The following CD53 variants were observed in gnomAD, a reference collection of about 807,000 sequenced individuals.
CD53 encodes leukocyte surface antigen CD53.
Under a neutral mutation model 27.3 loss-of-function variants are expected in CD53, and 20 were observed. That is an observed-to-expected ratio of 0.73 (90% CI 0.52 to 1.07). The LOEUF (loss-of-function observed/expected upper bound fraction) is 1.07. Ranked by LOEUF, CD53 falls within the 50% of genes least tolerant of loss-of-function variation. The pLI is 0.00. For synonymous variants in CD53, 106 were observed against 105.3 expected (o/e 1.01, Z -0.04); for missense variants, 216 against 264.0 (o/e 0.82, Z 1.26).
rs141935496 is a variant in CD53, at chr1:110,886,846, A to AAGATATATATATAT, written c.-17-4545_-17-4544insGATATATATATATA. 7.9e-3 allele frequency among the ~76,000 whole-genome samples: 795 copies of AAGATATATATATAT among 100,858 alleles called. 11 individuals are homozygous for AAGATATATATATAT. Among genetic ancestry groups the AAGATATATATATAT allele is most frequent in the Non-Finnish European group, 0.012 (582 of 46,594 alleles). 66.2% of individuals were successfully genotyped at this position (100,858 alleles called of 152,430 possible). A position where few individuals can be genotyped will look rare whatever the true frequency, so the allele number is the denominator to read the frequency against. On this transcript the variant is annotated intron_variant, in intron 1 of 7. Coordinates refer to ENST00000271324, the MANE Select transcript of CD53 (RefSeq NM_000560.4). Reference sequence around the variant, plus strand: ...GGCAACAGAGCGAGACTCTGTCTCCAATATATATATATATATATATATATT... The same window carrying AAGATATATATATAT: ...GGCAACAGAGCGAGACTCTGTCTCCAAGATATATATATATATATATATATATATATATATATATT...
rs1475031169 is a variant in CD53, at chr1:110,899,914, T to C, written c.*719T>C. The C allele has an allele frequency of 6.5e-6, 1 of 152,684 alleles. No homozygotes were observed. Among genetic ancestry groups the C allele is most frequent in the Non-Finnish European group, 1.5e-5 (1 of 68,056 alleles). 9.5% of individuals were successfully genotyped at this position (152,684 alleles called of 1,614,324 possible). On this transcript the variant is annotated 3_prime_UTR_variant, in exon 8 of 8. Coordinates refer to ENST00000271324, the MANE Select transcript of CD53 (RefSeq NM_000560.4). ...TTACTCTTCAATAAATAAAAGTTTA[T>C]TATCTCAATCACAACATTGCTATAT... is the stretch of plus-strand genomic sequence containing the variant.
chr1:110,892,414 C>T lies in CD53; in HGVS notation c.133C>T (p.His45Tyr). The T allele has an allele frequency of 6.2e-7, 1 of 1,613,878 alleles. No individual in the cohort carries two copies. Among genetic ancestry groups the T allele is most frequent in the Non-Finnish European group, 8.5e-7 (1 of 1,179,748 alleles). The change falls in exon 3 of 8, where the codon CAT becomes TAT. Residue 45 changes from histidine (H) to tyrosine (Y), a missense_variant. Coordinates refer to ENST00000271324, the MANE Select transcript of CD53 (RefSeq NM_000560.4). ...LIHNNFGVLF[H>Y]NLPSLTLGNV... ...CCACAACAACTTCGGAGTGCTCTTC[C>T]ATAACCTCCCCTCCCTCACGCTGGG...
intron 1 of CD53, among the ~76,000 whole-genome samples, chr1:110,875,821 G>A (rs546685737): frequency 8.5e-5 from 13 of 152,318 alleles, no homozygotes; most frequent in Admixed American, 6.5e-4. Flanking sequence ...GCTGTCTGGA[G>A]GTAGGTTTTG....
intron 4 of CD53, 70 bp downstream of exon 4, chr1:110,894,471 A>G: frequency 8.8e-7 from 1 of 1,141,702 alleles, no homozygotes; most frequent in Non-Finnish European, 1.3e-6. Flanking sequence ...AGAAGTTGGT[A>G]CAAAGTTACA....
At position 110,886,871 on chromosome 1, in the gene CD53, T is replaced by TATA. The variant is rs1243346959; in HGVS notation, c.-17-4521_-17-4520insATA. ...AATATATATATATATATATATATAT[T>TATA]TTTTTTTTCTGTCTGTGTTTCTTTG... On this transcript the variant is annotated intron_variant, in intron 1 of 7. Transcript: ENST00000271324. Among the ~76,000 whole-genome samples, 536 of 76,038 alleles carry TATA rather than the reference T, an allele frequency of 7.0e-3. 2 individuals carry two copies. The highest frequency in any genetic ancestry group is 0.018 in the Middle Eastern group (2 of 112). 49.9% of individuals were successfully genotyped at this position (76,038 alleles called of 152,430 possible). A position where few individuals can be genotyped will look rare whatever the true frequency, so the allele number is the denominator to read the frequency against.
rs529327509 is a variant in CD53 at position 110,892,455 on chromosome 1, C to T, written c.174C>T (p.Ile58=). ...TCACGCTGGGCAATGTGTTTGTCATCGTGGGCTCTATTATCATGGTAGTTG... is the reference window on the plus strand; with the variant it reads ...TCACGCTGGGCAATGTGTTTGTCATTGTGGGCTCTATTATCATGGTAGTTG... ...PSLTLGNVFV[I]VGSIIMVVAF... The change falls in exon 3 of 8, where the codon ATC becomes ATT. Residue 58 remains isoleucine (I), a synonymous_variant. Transcript: ENST00000271324. 20 of 1,614,052 alleles carry T rather than the reference C, an allele frequency of 1.2e-5. No individual in the cohort carries two copies. The highest frequency in any genetic ancestry group is 5.0e-5 in the Admixed American group (3 of 59,994).
At chr1:110,894,787 C>CTCAT (rs984669754) in intron 4 of CD53, among the ~76,000 whole-genome samples, 173 bp from the exon 5 acceptor site, 44 of 152,310 alleles carry the variant, frequency 2.9e-4, no homozygotes, top group African/African-American at 9.1e-4. Flanking sequence ...TCAATGCCAC[C>CTCAT]TCATGCTCAG....
At chr1:110,891,242 T>C in intron 1 of CD53, 150 bp from the exon 2 acceptor site, 2 of 631,206 alleles carry the variant, frequency 3.2e-6, no homozygotes, top group Non-Finnish European at 2.8e-6. Flanking sequence ...AGTTTAGAAC[T>C]AGGAAAGCGC....
chr1:110,871,605 A>T (rs115420201), upstream of CD53, among the ~76,000 whole-genome samples: 1,877 of 152,214 alleles, frequency 0.012, 48 homozygotes, highest in African/African-American at 0.043. Flanking sequence ...TGGAACAGAC[A>T]GATAGTAATT....
Position 110,888,554 on chromosome 1 carries a change from G to A in CD53, c.-17-2838G>A, listed in dbSNP as rs868021537. The stretch of plus-strand genomic sequence containing the variant: ...AGTCTACATTTTTTAGCTGTTTCAG[G>A]TGAGGGGGTAAATCTGGTCCCTGTT... On this transcript the variant is annotated intron_variant, in intron 1 of 7. Coordinates refer to ENST00000271324, the MANE Select transcript of CD53 (RefSeq NM_000560.4). Among the ~76,000 whole-genome samples, 8 of 152,330 alleles carry A rather than the reference G, an allele frequency of 5.3e-5. 1 individual carries two copies. In the South Asian group the frequency reaches 1.7e-3, roughly 32 times the overall value.
At chr1:110,874,735 C>T (rs1056177546) in intron 1 of CD53, among the ~76,000 whole-genome samples, 14 of 152,200 alleles carry the variant, frequency 9.2e-5, no homozygotes, top group Non-Finnish European at 1.9e-4. Flanking sequence ...CATGCCTTCA[C>T]AGCTATGGTT....
At chr1:110,886,869 A>ATATATATATATATATTTTTTTTT (rs1298376721) in intron 1 of CD53, among the ~76,000 whole-genome samples, 2 of 82,786 alleles carry the variant, frequency 2.4e-5, no homozygotes, top group Non-Finnish European at 4.5e-5. Flanking sequence ...ATATATATAT[A>ATATATATATATATATTTTTTTTT]TTTTTTTTTT....
Position 110,891,398 on chromosome 1 carries a change from A to C in CD53, c.-11A>C, listed in dbSNP as rs748021668. 6.2e-7 allele frequency: 1 copy of C among 1,610,910 alleles called. No individual in the cohort carries two copies. Among genetic ancestry groups the C allele is most frequent in the Non-Finnish European group, 8.5e-7 (1 of 1,177,030 alleles). On this transcript the variant is annotated 5_prime_UTR_variant, in exon 2 of 8. Transcript: ENST00000271324. The stretch of plus-strand genomic sequence containing the variant: ...CTTCTTCCTTATTCCTTAGGGCAAG[A>C]ATATCACGGCATGGGCATGAGTAGC...
Position 110,894,376 on chromosome 1 carries a change from T to A in CD53, c.302T>A (p.Ile101Asn). ...CTCCTTGCTGAGGTGACCTTGGCCA[T>A]CCTGCTCTTTGTATATGAACAGAAG... ...IILLAEVTLAILLFVYEQKLN... is the reference protein window; with the variant it reads ...IILLAEVTLANLLFVYEQKLN... The change falls in exon 4 of 8, where the codon ATC becomes AAC. Residue 101 changes from isoleucine (I) to asparagine (N), a missense_variant. By Grantham distance (149) the Ile-to-Asn change is moderately radical (BLOSUM62 -3). Transcript: ENST00000271324. 4 of 1,614,024 alleles carry A rather than the reference T, an allele frequency of 2.5e-6. No individual in the cohort carries two copies. Among genetic ancestry groups the A allele is most frequent in the Non-Finnish European group, 3.4e-6 (4 of 1,179,870 alleles).
At chr1:110,871,518 A>T (rs1028626645), upstream of CD53, among the ~76,000 whole-genome samples, 2 of 152,018 alleles carry the variant, frequency 1.3e-5, no homozygotes, top group African/African-American at 4.8e-5. Context: ...CTGAAGTTGG[A>T]TATTGGATTT....
At chr1:110,893,472 G>A (rs1285037866) in intron 3 of CD53, among the ~76,000 whole-genome samples, 2 of 152,078 alleles carry the variant, frequency 1.3e-5, no homozygotes, top group African/African-American at 2.4e-5. Flanking sequence ...ACAGTCATGC[G>A]CCACCATGTC....
At chr1:110,886,133 T>C (rs1378628982) in intron 1 of CD53, among the ~76,000 whole-genome samples, 1 of 152,190 alleles carries the variant, frequency 6.6e-6, no homozygotes, top group East Asian at 1.9e-4. Flanking sequence ...GTATAGATTT[T>C]TAGTATGACA....
chr1:110,894,282 G>T, intron 3 of CD53, 45 bp from the exon 4 acceptor site: 1 of 1,555,396 alleles, frequency 6.4e-7, no homozygotes, highest in South Asian at 1.1e-5. Flanking sequence ...GGAGTGGGAC[G>T]AGAATGGGGA....
At chr1:110,885,598 C>T (rs953401320) in intron 1 of CD53, among the ~76,000 whole-genome samples, 2 of 151,870 alleles carry the variant, frequency 1.3e-5, no homozygotes, top group Admixed American at 6.6e-5. Context: ...TGCGGTGGCT[C>T]AAGCCTGTAA....
Sources: allele counts gnomAD v4.1 joint callset (sites outside exome capture counted in the v4.1 genomes callset), GRCh38; gene constraint gnomAD v4.1.1; transcripts MANE v1.5; gene names NCBI Gene and HGNC (gene_info 2026-07-23, HGNC 2026-07-21).